RPS6KC1: variants seen among roughly 807,000 people sequenced by gnomAD.
RPS6KC1 encodes inactive ribosomal protein S6 kinase delta-1.
In RPS6KC1, 54 loss-of-function variants were observed where a neutral mutation model predicts 103.8. That is an observed-to-expected ratio of 0.52 (90% CI 0.42 to 0.65). The LOEUF is 0.65. Ranked by LOEUF, RPS6KC1 falls within the 30% of genes least tolerant of loss-of-function variation. The probability of loss-of-function intolerance (pLI) is 0.00; values close to 1 mark genes in which losing one functional copy is unlikely to be tolerated. For synonymous variants in RPS6KC1, 439 were observed against 438.7 expected (o/e 1.00, Z -0.01); for missense variants, 1,151 against 1,253.8 (o/e 0.92, Z 1.24).
chr1:213,652,319 C>G, the RPS6KC1 span, among the ~76,000 whole-genome samples: 2 of 152,138 alleles, frequency 1.3e-5, no homozygotes, highest in East Asian at 3.8e-4. Flanking sequence ...TTAGTGTCCC[C>G]ATTTTACAGA....
the RPS6KC1 span, among the ~76,000 whole-genome samples, chr1:213,770,185 C>T: frequency 6.6e-6 from 1 of 152,148 alleles, no homozygotes; most frequent in Non-Finnish European, 1.5e-5. Flanking sequence ...AAACCAAGGC[C>T]ATGAGAAGCA....
chr1:213,128,106 A>G (rs948970681), intron 5 of RPS6KC1, among the ~76,000 whole-genome samples: 1 of 152,238 alleles, frequency 6.6e-6, no homozygotes, highest in Non-Finnish European at 1.5e-5. Flanking sequence ...TTTCTTTTTC[A>G]GTTACATTAT....
chr1:213,081,445 C>T (rs181456252), intron 3 of RPS6KC1, among the ~76,000 whole-genome samples: 252 of 152,148 alleles, frequency 1.7e-3, no homozygotes, highest in African/African-American at 5.6e-3. Flanking sequence ...CATCCATTCC[C>T]GTGATCCAAA....
the RPS6KC1 span, among the ~76,000 whole-genome samples, chr1:213,853,364 A>G: frequency 6.6e-6 from 1 of 152,168 alleles, no homozygotes; most frequent in Non-Finnish European, 1.5e-5. Flanking sequence ...GGAATCTATA[A>G]ACACACAGTC....
chr1:213,086,400 CCTA>C (rs2080402731), intron 3 of RPS6KC1, among the ~76,000 whole-genome samples: 1 of 152,182 alleles, frequency 6.6e-6, no homozygotes. Flanking sequence ...GTTTGACCCT[CCTA>C]CTATCATATT....
the RPS6KC1 span, among the ~76,000 whole-genome samples, chr1:213,698,472 A>C: frequency 6.6e-6 from 1 of 152,152 alleles, no homozygotes; most frequent in Non-Finnish European, 1.5e-5. Flanking sequence ...TCTGGGATTG[A>C]ATGTTACTGT....
intron 6 of RPS6KC1, among the ~76,000 whole-genome samples, chr1:213,151,802 C>T (rs1352165308): frequency 9.0e-5 from 12 of 132,732 alleles, no homozygotes; most frequent in East Asian, 2.4e-4. Context: ...ACCTCCCTCC[C>T]GGACGGGGCA....
At chr1:213,685,447 A>G in the RPS6KC1 span, among the ~76,000 whole-genome samples, 11,184 of 152,196 alleles carry the variant, frequency 0.073, 485 homozygotes, top group Non-Finnish European at 0.092. Flanking sequence ...CCTAGCCAAC[A>G]TGGTGAAAAC....
the RPS6KC1 span, among the ~76,000 whole-genome samples, chr1:213,464,157 TTG>T: frequency 1.3e-5 from 2 of 152,198 alleles, 1 homozygote; most frequent in South Asian, 4.1e-4. Flanking sequence ...TTTCATCTTC[TTG>T]TGTTGTCCTT....
intron 8 of RPS6KC1, among the ~76,000 whole-genome samples, chr1:213,213,234 T>C (rs1288237592): frequency 1.3e-5 from 2 of 152,240 alleles, no homozygotes; most frequent in Non-Finnish European, 2.9e-5. Flanking sequence ...ATCCATTTTG[T>C]TAATTTTTGT....
the RPS6KC1 span, among the ~76,000 whole-genome samples, chr1:213,322,911 C>G: frequency 1.4e-4 from 5 of 36,672 alleles, no homozygotes; most frequent in African/African-American, 4.6e-4. Context: ...CCATGCCCAG[C>G]TTTTTTTTTT....
the RPS6KC1 span, among the ~76,000 whole-genome samples, chr1:213,598,721 T>A: frequency 6.6e-6 from 1 of 152,084 alleles, no homozygotes; most frequent in Admixed American, 6.5e-5. Context: ...AGTTCAAGAC[T>A]AGCCTGGCCA....
chr1:213,355,960 TA>T, the RPS6KC1 span, among the ~76,000 whole-genome samples: 1 of 152,198 alleles, frequency 6.6e-6, no homozygotes, highest in Non-Finnish European at 1.5e-5. Context: ...ACCTATGTCA[TA>T]AGGTTGTTAT....
the RPS6KC1 span, among the ~76,000 whole-genome samples, chr1:213,566,939 T>C: frequency 6.6e-6 from 1 of 152,316 alleles, no homozygotes; most frequent in African/African-American, 2.4e-5. Context: ...TTGCTCATTG[T>C]GGATTGCTTC....
At chr1:213,491,704 C>G in the RPS6KC1 span, among the ~76,000 whole-genome samples, 1 of 152,122 alleles carries the variant, frequency 6.6e-6, no homozygotes. Flanking sequence ...TTAATCATAG[C>G]CTTAGAATCA....
the RPS6KC1 span, among the ~76,000 whole-genome samples, chr1:213,737,014 C>T: frequency 1.3e-5 from 2 of 152,172 alleles, no homozygotes; most frequent in East Asian, 1.9e-4. Flanking sequence ...AGCTCCCTCC[C>T]GTGTTCCACC....
the RPS6KC1 span, among the ~76,000 whole-genome samples, chr1:213,680,944 C>A: frequency 6.6e-5 from 10 of 152,202 alleles, no homozygotes; most frequent in Admixed American, 2.0e-4. Context: ...ATGAAATATG[C>A]ATTAATTGCA....
At chr1:213,792,559 GGCTCTTAATCGGAT>G in the RPS6KC1 span, among the ~76,000 whole-genome samples, 17 of 152,192 alleles carry the variant, frequency 1.1e-4, 1 homozygote, top group African/African-American at 4.1e-4. Flanking sequence ...AGACACTATG[GGCTCTTAATCGGAT>G]GCTAGGAAAA....
the RPS6KC1 span, among the ~76,000 whole-genome samples, chr1:213,573,156 A>G: frequency 6.6e-6 from 1 of 152,150 alleles, no homozygotes; most frequent in Non-Finnish European, 1.5e-5. Flanking sequence ...TTGAAGTTCT[A>G]TTACACATGC....
Sources: gnomAD v4.1 joint callset for allele counts (sites outside exome capture counted in the v4.1 genomes callset) on GRCh38, gnomAD v4.1.1 for gene constraint, MANE v1.5 for transcripts, NCBI Gene and HGNC (gene_info 2026-07-23, HGNC 2026-07-21) for gene names.